The following SP1 variants were observed in gnomAD, a reference collection of about 807,000 sequenced individuals.
SP1 encodes transcription factor Sp1.
A neutral mutation model predicts 66.3 loss-of-function variants in SP1; 6 were observed. The observed-to-expected ratio is 0.09, with a 90% CI of 0.05 to 0.18. The LOEUF (loss-of-function observed/expected upper bound fraction) is 0.18. Among genes scored for constraint, SP1 ranks in the 10% least tolerant of loss-of-function variants. The pLI is 1.00. For synonymous variants in SP1, 417 were observed against 360.8 expected, an observed-to-expected ratio of 1.16 and a Z score of -1.77; for missense variants, 848 against 964.5, an observed-to-expected ratio of 0.88 and a Z score of 1.60.
At chr12:53,396,362 G>C (rs905011034) in intron 3 of SP1, among the ~76,000 whole-genome samples, 1 of 151,502 alleles carries the variant, frequency 6.6e-6, no homozygotes, top group Non-Finnish European at 1.5e-5. Flanking sequence ...CAGGTCAAGA[G>C]ATGGAGAGCA....
At chr12:53,406,031 T>A (rs146683733) in intron 3 of SP1, among the ~76,000 whole-genome samples, 1 of 151,504 alleles carries the variant, frequency 6.6e-6, no homozygotes, top group African/African-American at 2.4e-5. Flanking sequence ...TTGATCAGAT[T>A]TTTACGTATT....
chr12:53,410,501 A>AGTTTTTTGTTTTTT (rs1484013146), intron 5 of SP1, among the ~76,000 whole-genome samples: 2 of 151,434 alleles, frequency 1.3e-5, no homozygotes, highest in African/African-American at 2.4e-5. Flanking sequence ...ATATACTTGA[A>AGTTTTTTGTTTTTT]GTTTTTTGTT....
intron 3 of SP1, among the ~76,000 whole-genome samples, chr12:53,396,945 G>C (rs1005021252): frequency 2.6e-5 from 4 of 151,878 alleles, no homozygotes; most frequent in Non-Finnish European, 5.9e-5. Context: ...GTTTTCTTGA[G>C]AGTTGTTCTG....
At chr12:53,406,536 T>C in intron 3 of SP1, 49 bp from the exon 4 acceptor site, 1 of 1,545,100 alleles carries the variant, frequency 6.5e-7, no homozygotes, top group South Asian at 1.1e-5. Flanking sequence ...GAGATGCCAG[T>C]GATAACCTGC....
At position 53,383,235 on chromosome 12, in the gene SP1, A is replaced by G. The variant is rs1342255863; in HGVS notation, c.1288A>G (p.Ile430Val). ...LSGQTFTTQA[I>V]SQETLQNLQL... ...AGGGCAGACCTTTACAACTCAAGCC[A>G]TCTCCCAGGAAACCCTCCAGAACCT... Residue 430 changes from isoleucine to valine, a missense_variant, in exon 3 of 6, where the codon ATC becomes GTC. Ile to Val is a conservative substitution (Grantham distance 29). Coordinates refer to ENST00000327443, the MANE Select transcript of SP1 (RefSeq NM_138473.3). 1.2e-6 allele frequency: 2 copies of G among 1,614,206 alleles called. No homozygotes were observed. Among genetic ancestry groups the G allele is most frequent in the Non-Finnish European group, 1.7e-6 (2 of 1,180,042 alleles).
intron 3 of SP1, among the ~76,000 whole-genome samples, chr12:53,384,065 G>A (rs1345714442): frequency 2.0e-5 from 3 of 151,302 alleles, no homozygotes; most frequent in African/African-American, 7.3e-5. Flanking sequence ...CGCCTCCCAG[G>A]TTCACGCCAT....
intron 1 of SP1, among the ~76,000 whole-genome samples, chr12:53,380,946 C>CTTTTTTT (rs35296566): frequency 1.4e-4 from 14 of 100,798 alleles, no homozygotes; most frequent in South Asian, 3.1e-4. Context: ...TTTTGTTTGT[C>CTTTTTTT]TTTTTTTTTT....
intron 3 of SP1, among the ~76,000 whole-genome samples, chr12:53,399,050 A>G (rs1279066505): frequency 2.0e-5 from 3 of 152,298 alleles, no homozygotes; most frequent in South Asian, 2.1e-4. Context: ...CCACTGTGTC[A>G]TGAACATCTT....
chr12:53,384,038 C>T (rs779551564), intron 3 of SP1, among the ~76,000 whole-genome samples: 126 of 150,428 alleles, frequency 8.4e-4, no homozygotes, highest in Non-Finnish European at 1.5e-3. Context: ...GGCGCGATCT[C>T]GGCTCACTGC....
intron 3 of SP1, among the ~76,000 whole-genome samples, chr12:53,400,723 G>C (rs948233263): frequency 6.6e-6 from 1 of 151,442 alleles, no homozygotes; most frequent in Non-Finnish European, 1.5e-5. Context: ...GGAGTAGCTG[G>C]GATTACAGGT....
rs1478795103 is a variant in SP1 at position 53,413,072 on chromosome 12, G to A, written c.*1832G>A. ...AGAAAGCAAGTGTTTTTGTATGTGTGGGTGAATGTGTGTTCATGCCCGTAT... is the reference window on the plus strand; with the variant it reads ...AGAAAGCAAGTGTTTTTGTATGTGTAGGTGAATGTGTGTTCATGCCCGTAT... On this transcript the variant is annotated 3_prime_UTR_variant, in exon 6 of 6. Transcript: ENST00000327443. 1.3e-5 allele frequency: 2 copies of A among 152,486 alleles called. No individual in the cohort carries two copies. Among genetic ancestry groups the A allele is most frequent in the Non-Finnish European group, 2.9e-5 (2 of 68,010 alleles). 9.4% of individuals were successfully genotyped at this position (152,486 alleles called of 1,614,324 possible).
chr12:53,382,239 A>T lies in SP1; in HGVS notation c.292A>T (p.Thr98Ser). Residue 98 changes from threonine (T) to serine (S), a missense_variant, in exon 3 of 6, where the codon ACA becomes TCA. Thr to Ser is a moderately conservative substitution (Grantham distance 58, BLOSUM62 1). Coordinates refer to ENST00000327443, the MANE Select transcript of SP1 (RefSeq NM_138473.3). ...AACAGGTGAGCTTGACCTCACAGCC[A>T]CACAACTTTCACAGGGTGCCAATGG... ...GGTGELDLTA[T>S]QLSQGANGWQ... The T allele has an allele frequency of 1.2e-6, 2 of 1,614,190 alleles. No individual in the cohort carries two copies. The highest frequency in any genetic ancestry group is 8.5e-7 in the Non-Finnish European group (1 of 1,180,026).
chr12:53,382,413 C>A lies in SP1; in HGVS notation c.466C>A (p.Gln156Lys). The A allele has an allele frequency of 1.2e-6, 2 of 1,614,200 alleles. No homozygotes were observed. Among genetic ancestry groups the A allele is most frequent in the South Asian group, 2.2e-5 (2 of 91,084 alleles). The change falls in exon 3 of 6, where the codon CAG (glutamine) becomes AAG (lysine). Residue 156 changes from glutamine to lysine, a missense_variant. Transcript: ENST00000327443. ...QYVVAAAPNLQNQQVLTGLPG... is the reference protein window; with the variant it reads ...QYVVAAAPNLKNQQVLTGLPG... ...TGTTGTGGCTGCCGCTCCCAACTTA[C>A]AGAACCAGCAAGTTCTGACAGGACT... is the stretch of plus-strand genomic sequence containing the variant.
At position 53,413,282 on chromosome 12, in the gene SP1, A is replaced by T. The variant is rs1471657163; in HGVS notation, c.*2042A>T. On this transcript the variant is annotated 3_prime_UTR_variant, in exon 6 of 6. Transcript: ENST00000327443. ...GAGGATATTCTACTGTACTTTTTTA[A>T]AAAGAAACTATTTTTGTGTTTGAAA... 1 of 152,270 alleles carries T rather than the reference A, an allele frequency of 6.6e-6. No individual in the cohort carries two copies. Among genetic ancestry groups the T allele is most frequent in the Non-Finnish European group, 1.5e-5 (1 of 68,038 alleles). 9.4% of individuals were successfully genotyped at this position (152,270 alleles called of 1,614,324 possible). A position where few individuals can be genotyped will look rare whatever the true frequency, so the allele number is the denominator to read the frequency against.
At chr12:53,406,159 C>A (rs1938734073) in intron 3 of SP1, among the ~76,000 whole-genome samples, 1 of 150,492 alleles carries the variant, frequency 6.6e-6, no homozygotes, top group Non-Finnish European at 1.5e-5. Flanking sequence ...CAACCTCCGC[C>A]TCCCGGGTTC....
intron 3 of SP1, among the ~76,000 whole-genome samples, chr12:53,385,464 G>T (rs181602767): frequency 6.6e-6 from 1 of 151,146 alleles, no homozygotes; most frequent in South Asian, 2.1e-4. Context: ...GCATGGTGGC[G>T]CGCACCTGTA....
chr12:53,410,865 A>G, intron 5 of SP1, 62 bp from the exon 6 acceptor site: 7 of 1,229,952 alleles, frequency 5.7e-6, no homozygotes, highest in South Asian at 4.0e-5. Context: ...TAAGCACTGA[A>G]TTGGGTAAGG....
At chr12:53,402,002 G>A (rs1257014625) in intron 3 of SP1, among the ~76,000 whole-genome samples, 15 of 152,130 alleles carry the variant, frequency 9.9e-5, no homozygotes, top group Admixed American at 7.2e-4. Flanking sequence ...ATAATTGGTC[G>A]CAGTTTTACT....
Position 53,382,682 on chromosome 12 carries a change from A to G in SP1, c.735A>G (p.Val245=). 1 of 1,613,992 alleles carries G rather than the reference A, an allele frequency of 6.2e-7. No homozygotes were observed. Among genetic ancestry groups the G allele is most frequent in the Non-Finnish European group, 8.5e-7 (1 of 1,179,986 alleles). The part of the protein sequence containing the change: ...AVPLQGLANN[V]LSGQTQYVTN... The stretch of plus-strand genomic sequence containing the variant: ...CCCTCCAAGGCCTGGCTAATAATGT[A>G]CTCTCAGGACAGACTCAGTATGTGA... Residue 245 remains valine (V), a synonymous_variant, in exon 3 of 6, where the codon GTA becomes GTG. Coordinates refer to ENST00000327443, the MANE Select transcript of SP1 (RefSeq NM_138473.3).
Sources: allele counts gnomAD v4.1 joint callset (sites outside exome capture counted in the v4.1 genomes callset), GRCh38; gene constraint gnomAD v4.1.1; transcripts MANE v1.5; gene names NCBI Gene and HGNC (gene_info 2026-07-23, HGNC 2026-07-21).